PCDH9: variants seen among roughly 807,000 people sequenced by gnomAD.
PCDH9 encodes protocadherin 9.
Under a neutral mutation model 70.6 loss-of-function variants are expected in PCDH9, and 24 were observed. That is an observed-to-expected ratio of 0.34 (90% CI 0.25 to 0.48). PCDH9 has a LOEUF of 0.48. Among genes scored for constraint, PCDH9 ranks in the 20% least tolerant of loss-of-function variants. The pLI is 0.99. For synonymous variants in PCDH9, 562 were observed against 558.5 expected, an observed-to-expected ratio of 1.01 and a Z score of -0.09; for missense variants, 1,281 against 1,503.6, an observed-to-expected ratio of 0.85 and a Z score of 2.45.
chr13:67,057,305 A>G (rs932646945), intron 2 of PCDH9, among the ~76,000 whole-genome samples: 4 of 152,060 alleles, frequency 2.6e-5, no homozygotes, highest in Non-Finnish European at 4.4e-5. Flanking sequence ...TCTTAATCTG[A>G]TTAACATGAG....
Position 66,401,939 on chromosome 13 carries a change from A to G in PCDH9, c.3341-96911T>C, listed in dbSNP as rs183959552. 1.7e-4 allele frequency among the ~76,000 whole-genome samples: 26 copies of G among 152,316 alleles called. No individual in the cohort carries two copies. In the East Asian group the frequency reaches 5.0e-3, roughly 29 times the overall value. On this transcript the variant is annotated intron_variant, in intron 4 of 4. Coordinates refer to ENST00000377865, the MANE Select transcript of PCDH9 (RefSeq NM_203487.3). ...TACCCCACCCAACAGGTGACTAAAC[A>G]GTATAAATCAATTATTCAATTTGTC...
intron 2 of PCDH9, chr13:67,207,227 T>C (rs2089372529): frequency 1.3e-5 from 2 of 152,154 alleles, no homozygotes; most frequent in African/African-American, 2.4e-5. Flanking sequence ...AAATTTCTTT[T>C]TGGCAAAATT....
chr13:66,758,149 T>C lies in PCDH9; in HGVS notation c.3139-126738A>G, dbSNP rs1223451932. ...GCTGTTATGAAGTATATATACATCA[T>C]GGAATGGTTAAATCTAGCTATTTAA... On this transcript the variant is annotated intron_variant, in intron 3 of 4. Coordinates refer to ENST00000377865, the MANE Select transcript of PCDH9 (RefSeq NM_203487.3). 2.0e-5 allele frequency among the ~76,000 whole-genome samples: 3 copies of C among 152,206 alleles called. 1 individual carries two copies. Among genetic ancestry groups the C allele is most frequent in the East Asian group, 1.9e-4 (1 of 5,184 alleles).
chr13:66,342,653 CTCT>C (rs1956148516), intron 4 of PCDH9, among the ~76,000 whole-genome samples: 3 of 152,174 alleles, frequency 2.0e-5, no homozygotes, highest in South Asian at 4.2e-4. Flanking sequence ...GACGGAGTCT[CTCT>C]CTGTCACCCA....
At chr13:66,784,309 GA>G (rs2080045923) in intron 3 of PCDH9, among the ~76,000 whole-genome samples, 1 of 152,102 alleles carries the variant, frequency 6.6e-6, no homozygotes, top group Admixed American at 6.6e-5. Context: ...TTTTTCTTTA[GA>G]AAAGGATGGT....
intron 3 of PCDH9, among the ~76,000 whole-genome samples, chr13:66,901,500 G>T (rs1310755191): frequency 6.6e-6 from 1 of 151,720 alleles, no homozygotes; most frequent in East Asian, 1.9e-4. Context: ...CCTGGAGAAT[G>T]ATGGTTAAAT....
At chr13:66,870,189 C>A (rs2081650281) in intron 3 of PCDH9, among the ~76,000 whole-genome samples, 1 of 152,074 alleles carries the variant, frequency 6.6e-6, no homozygotes, top group African/African-American at 2.4e-5. Context: ...AATCCTTTCC[C>A]CATTGCTTGT....
At chr13:67,147,865 C>CA (rs1214130853) in intron 2 of PCDH9, among the ~76,000 whole-genome samples, 2 of 152,140 alleles carry the variant, frequency 1.3e-5, no homozygotes, top group African/African-American at 4.8e-5. Flanking sequence ...ACCTCACTGT[C>CA]AAAGCATTCC....
intron 2 of PCDH9, among the ~76,000 whole-genome samples, chr13:67,136,770 AGTTAT>A (rs1343761412): frequency 1.4e-5 from 2 of 146,802 alleles, no homozygotes; most frequent in East Asian, 2.0e-4. Context: ...TAATAATAAT[AGTTAT>A]GTTATATATG....
chr13:67,088,099 ATTT>A (rs34343096), intron 2 of PCDH9, among the ~76,000 whole-genome samples: 1 of 146,646 alleles, frequency 6.8e-6, no homozygotes, highest in South Asian at 2.2e-4. Flanking sequence ...TATTTCATAG[ATTT>A]TTTTTTTTTT....
intron 2 of PCDH9, among the ~76,000 whole-genome samples, chr13:67,113,860 C>G (rs151126335): frequency 6.6e-6 from 1 of 152,252 alleles, no homozygotes; most frequent in African/African-American, 2.4e-5. Context: ...ACATTTGGAT[C>G]ACACTGAGAA....
chr13:66,919,357 C>T (rs2082604531), intron 2 of PCDH9, among the ~76,000 whole-genome samples: 1 of 151,288 alleles, frequency 6.6e-6, no homozygotes, highest in Non-Finnish European at 1.5e-5. Flanking sequence ...ACTCAATCCT[C>T]TTTCCCCTTG....
At position 66,432,391 on chromosome 13, in the gene PCDH9, T is replaced by A. The variant is rs544136652; in HGVS notation, c.3341-127363A>T. ...CTTAAGAAAATCGGAGCATGATTAC[T>A]TTCAAAGTAATAATTATTCATGACT... On this transcript the variant is annotated intron_variant, in intron 4 of 4. Transcript: ENST00000377865. Among the ~76,000 whole-genome samples, 16 of 152,118 alleles carry A rather than the reference T, an allele frequency of 1.1e-4. No homozygotes were observed. The South Asian group carries it at 3.3e-3, about 32-fold the overall frequency.
intron 3 of PCDH9, among the ~76,000 whole-genome samples, chr13:66,832,088 C>T (rs1737553276): frequency 2.6e-5 from 4 of 152,168 alleles, no homozygotes; most frequent in Admixed American, 2.0e-4. Flanking sequence ...AACTAATCAA[C>T]TACCTAAAAA....
At chr13:66,769,857 T>C (rs1226646078) in intron 3 of PCDH9, among the ~76,000 whole-genome samples, 1 of 152,118 alleles carries the variant, frequency 6.6e-6, no homozygotes, top group Admixed American at 6.6e-5. Context: ...TTGAAAGTTC[T>C]AGGTAAAAGC....
At chr13:66,665,349 C>T (rs868217472) in intron 3 of PCDH9, among the ~76,000 whole-genome samples, 8 of 152,078 alleles carry the variant, frequency 5.3e-5, no homozygotes, top group East Asian at 1.9e-4. Flanking sequence ...TCCACCGCCT[C>T]GGCCTCCCAA....
chr13:67,164,690 C>T (rs941085656), intron 2 of PCDH9, among the ~76,000 whole-genome samples: 10 of 152,182 alleles, frequency 6.6e-5, no homozygotes, highest in African/African-American at 9.7e-5. Flanking sequence ...GATCAGGTCA[C>T]CTTTCCATTG....
chr13:66,556,291 G>A (rs985499021), intron 4 of PCDH9, among the ~76,000 whole-genome samples: 2 of 151,956 alleles, frequency 1.3e-5, no homozygotes, highest in Non-Finnish European at 2.9e-5. Context: ...AAATCTGTTT[G>A]TTTCTCCCAG....
At chr13:66,883,529 G>A (rs12429002) in intron 3 of PCDH9, among the ~76,000 whole-genome samples, 40,607 of 151,978 alleles carry the variant, frequency 0.27, 6,127 homozygotes, top group East Asian at 0.38. Flanking sequence ...TGTGTTCCAT[G>A]GACTACCAGT....
Sources: allele counts gnomAD v4.1 joint callset (sites outside exome capture counted in the v4.1 genomes callset), GRCh38; gene constraint gnomAD v4.1.1; transcripts MANE v1.5; gene names NCBI Gene and HGNC (gene_info 2026-07-23, HGNC 2026-07-21).